Variants in FSTL5 observed in about 807,000 individuals in gnomAD.
FSTL5 encodes follistatin-related protein 5.
A neutral mutation model predicts 89.1 loss-of-function variants in FSTL5; 62 were observed. The observed-to-expected ratio is 0.70, with a 90% CI of 0.57 to 0.86. FSTL5 has a LOEUF of 0.86. Ranked by LOEUF, FSTL5 falls within the 40% of genes least tolerant of loss-of-function variation. The pLI is 0.00. For synonymous variants in FSTL5, 383 were observed against 346.2 expected, an observed-to-expected ratio of 1.11 and a Z score of -1.18; for missense variants, 1,057 against 1,001.6, an observed-to-expected ratio of 1.06 and a Z score of -0.75.
chr4:161,764,782 A>G (rs1740933518), intron 5 of FSTL5, among the ~76,000 whole-genome samples: 1 of 152,144 alleles, frequency 6.6e-6, no homozygotes, highest in Non-Finnish European at 1.5e-5. Context: ...CTGAACATGA[A>G]TACTAAGTTT....
At chr4:161,588,954 C>A (rs1295935451) in intron 7 of FSTL5, among the ~76,000 whole-genome samples, 1 of 150,970 alleles carries the variant, frequency 6.6e-6, no homozygotes, top group Non-Finnish European at 1.5e-5. Flanking sequence ...GAGCTTTGAG[C>A]AACACTTAAA....
At chr4:161,817,548 T>C (rs1032736102) in intron 4 of FSTL5, among the ~76,000 whole-genome samples, 3 of 152,202 alleles carry the variant, frequency 2.0e-5, no homozygotes, top group Non-Finnish European at 2.9e-5. Flanking sequence ...TGTATTCTCA[T>C]GGTTTGTATT....
At chr4:161,808,392 T>A (rs946535396) in intron 4 of FSTL5, among the ~76,000 whole-genome samples, 1 of 152,288 alleles carries the variant, frequency 6.6e-6, no homozygotes, top group Admixed American at 6.5e-5. Context: ...TGTACACTCA[T>A]GTTCATAGCA....
chr4:161,497,066 G>A (rs1440423967), intron 12 of FSTL5, among the ~76,000 whole-genome samples: 8 of 152,038 alleles, frequency 5.3e-5, no homozygotes, highest in Non-Finnish European at 1.2e-4. Context: ...CATCTATCTT[G>A]TTTTTAAATG....
intron 2 of FSTL5, among the ~76,000 whole-genome samples, chr4:162,064,147 T>C (rs1298337662): frequency 6.6e-6 from 1 of 152,044 alleles, no homozygotes; most frequent in African/African-American, 2.4e-5. Flanking sequence ...GTTTCTACTA[T>C]GCTTGTATGC....
chr4:161,434,407 C>A (rs1732484991), intron 15 of FSTL5, among the ~76,000 whole-genome samples: 1 of 151,998 alleles, frequency 6.6e-6, no homozygotes, highest in South Asian at 2.1e-4. Flanking sequence ...AAAATCAAAT[C>A]AAAATGGATT....
intron 12 of FSTL5, among the ~76,000 whole-genome samples, chr4:161,486,072 A>C (rs929051385): frequency 6.8e-6 from 1 of 146,726 alleles, no homozygotes; most frequent in African/African-American, 2.5e-5. Context: ...TGAACCCAGG[A>C]GGCAGAGGTT....
chr4:161,402,187 T>G (rs1031551177), intron 15 of FSTL5, among the ~76,000 whole-genome samples: 2 of 152,094 alleles, frequency 1.3e-5, no homozygotes, highest in Non-Finnish European at 2.9e-5. Flanking sequence ...ACGCACACAC[T>G]TCAGATGCAT....
intron 7 of FSTL5, among the ~76,000 whole-genome samples, chr4:161,602,597 A>G (rs1734289674): frequency 6.6e-6 from 1 of 152,168 alleles, no homozygotes; most frequent in Non-Finnish European, 1.5e-5. Flanking sequence ...TATTTATACT[A>G]CAGGGGACCA....
intron 4 of FSTL5, among the ~76,000 whole-genome samples, chr4:161,790,373 A>G (rs952987375): frequency 6.6e-6 from 1 of 152,180 alleles, no homozygotes; most frequent in African/African-American, 2.4e-5. Flanking sequence ...AAGCATTGCT[A>G]CCCTCCAGTG....
intron 15 of FSTL5, among the ~76,000 whole-genome samples, chr4:161,446,015 C>T: frequency 6.6e-6 from 1 of 151,866 alleles, no homozygotes; most frequent in East Asian, 1.9e-4. Flanking sequence ...CTCAAAATAA[C>T]TGGTAATTTC....
At chr4:161,819,588 C>T (rs905250702) in intron 4 of FSTL5, among the ~76,000 whole-genome samples, 3 of 151,850 alleles carry the variant, frequency 2.0e-5, no homozygotes, top group Non-Finnish European at 4.4e-5. Flanking sequence ...GTGCATCAAT[C>T]TGATATACTA....
intron 2 of FSTL5, among the ~76,000 whole-genome samples, chr4:162,039,304 G>A (rs1737860299): frequency 6.6e-6 from 1 of 151,622 alleles, no homozygotes; most frequent in African/African-American, 2.4e-5. Flanking sequence ...AAAAAATCTA[G>A]TTTGCTGTTG....
intron 4 of FSTL5, among the ~76,000 whole-genome samples, chr4:161,818,297 C>G (rs1579114443): frequency 6.6e-6 from 1 of 152,206 alleles, no homozygotes; most frequent in Non-Finnish European, 1.5e-5. Context: ...GCTCCCCCAC[C>G]TGCTGAGAGC....
intron 2 of FSTL5, among the ~76,000 whole-genome samples, chr4:162,071,657 T>C (rs919854713): frequency 2.0e-5 from 3 of 151,714 alleles, no homozygotes; most frequent in Non-Finnish European, 4.4e-5. Context: ...CACAGACATT[T>C]AGAAAACATT....
intron 6 of FSTL5, among the ~76,000 whole-genome samples, chr4:161,740,221 T>C (rs1739967936): frequency 6.6e-6 from 1 of 151,980 alleles, no homozygotes; most frequent in Non-Finnish European, 1.5e-5. Flanking sequence ...GGTTTCACCA[T>C]GTTGGCCAAC....
At chr4:161,473,200 T>A (rs1216865167) in intron 13 of FSTL5, among the ~76,000 whole-genome samples, 1 of 152,100 alleles carries the variant, frequency 6.6e-6, no homozygotes, top group Admixed American at 6.6e-5. Context: ...TCTACTCCCT[T>A]TATTATCTTC....
chr4:161,550,735 C>A (rs868240226), intron 8 of FSTL5, among the ~76,000 whole-genome samples: 8 of 151,770 alleles, frequency 5.3e-5, no homozygotes, highest in Non-Finnish European at 1.0e-4. Context: ...CCTCCCCCAT[C>A]CCCGCACCCC....
At chr4:161,477,196 T>C (rs952944983) in intron 13 of FSTL5, among the ~76,000 whole-genome samples, 1 of 151,674 alleles carries the variant, frequency 6.6e-6, no homozygotes, top group Non-Finnish European at 1.5e-5. Flanking sequence ...ATTTTGATAT[T>C]CATCATTTCT....
Sources: gnomAD v4.1 joint callset for allele counts (sites outside exome capture counted in the v4.1 genomes callset) on GRCh38, gnomAD v4.1.1 for gene constraint, MANE v1.5 for transcripts, NCBI Gene and HGNC (gene_info 2026-07-23, HGNC 2026-07-21) for gene names.